Variants in ELFN1 observed in about 807,000 individuals in gnomAD.
ELFN1 encodes protein ELFN1.
A neutral mutation model predicts 7.6 loss-of-function variants in ELFN1; 6 were observed. The observed-to-expected ratio is 0.79, with a 90% confidence interval of 0.43 to 1.56. The LOEUF is 1.56. Among genes scored for constraint, ELFN1 ranks in the 40% most tolerant of loss-of-function variants. The pLI is 0.01. For missense variants in ELFN1, 1,169 were observed against 1,232.2 expected (o/e 0.95, Z 0.77); for synonymous variants, 657 against 588.1 (o/e 1.12, Z -1.70).
At chr7:1,731,691 G>A (rs1429067957) in intron 3 of ELFN1, among the ~76,000 whole-genome samples, 4 of 152,136 alleles carry the variant, frequency 2.6e-5, no homozygotes, top group South Asian at 4.2e-4. Flanking sequence ...TCGCTCTGTC[G>A]CCCAGGCTGG....
At chr7:1,716,113 C>G (rs1469957183) in intron 3 of ELFN1, among the ~76,000 whole-genome samples, 3 of 152,190 alleles carry the variant, frequency 2.0e-5, no homozygotes, top group Non-Finnish European at 4.4e-5. Flanking sequence ...AAATGAGAAG[C>G]CAGGAGCCCT....
chr7:1,672,123 C>T (rs1195014715), intron 1 of ELFN1, among the ~76,000 whole-genome samples: 2 of 152,200 alleles, frequency 1.3e-5, no homozygotes, highest in Non-Finnish European at 2.9e-5. Flanking sequence ...CGGCAGGCAG[C>T]TCCCGACTCC....
chr7:1,709,004 G>C lies in ELFN1; in HGVS notation c.-455-87G>C, dbSNP rs1367135752. On this transcript the variant is annotated intron_variant, in intron 2 of 3. Transcript: ENST00000424383. The stretch of plus-strand genomic sequence containing the variant: ...CGTGTGACTGACAGCTGGTGGCTCC[G>C]GCAGGTGGGGTCTTCCAGCAGCTGA... The C allele has an allele frequency of 3.3e-5, 5 of 152,224 alleles. No individual in the cohort carries two copies. The East Asian group carries it at 9.6e-4, about 29-fold the overall frequency. 9.4% of individuals were successfully genotyped at this position (152,224 alleles called of 1,614,324 possible). A position where few individuals can be genotyped will look rare whatever the true frequency, so the allele number is the denominator to read the frequency against.
chr7:1,669,073 C>G (rs1206962764), upstream of ELFN1, among the ~76,000 whole-genome samples: 1 of 152,244 alleles, frequency 6.6e-6, no homozygotes, highest in Non-Finnish European at 1.5e-5. Context: ...GCCCACTCTC[C>G]GATTCTGGCT....
chr7:1,701,902 A>G (rs975430093), intron 2 of ELFN1, among the ~76,000 whole-genome samples: 3 of 152,166 alleles, frequency 2.0e-5, no homozygotes, highest in Admixed American at 1.3e-4. Context: ...TTAGCTCTGT[A>G]ATCAGCCTGG....
chr7:1,710,288 G>A (rs958336360), intron 3 of ELFN1, among the ~76,000 whole-genome samples: 1 of 152,216 alleles, frequency 6.6e-6, no homozygotes, highest in Non-Finnish European at 1.5e-5. Context: ...CAGACAATCT[G>A]TCTAGAACCT....
chr7:1,673,508 G>A lies in ELFN1; in HGVS notation c.-549+3154G>A, dbSNP rs1778808449. 6.6e-6 allele frequency among the ~76,000 whole-genome samples: 1 copy of A among 151,550 alleles called. No homozygotes were observed. Among genetic ancestry groups the A allele is most frequent in the African/African-American group, 2.4e-5 (1 of 41,344 alleles). ...CCCCCCCTCCCCGCCCCCTGCCCCG[G>A]ATGTCCCTTTCCCAAGGCTGGTGGA... On this transcript the variant is annotated intron_variant, in intron 1 of 3. Transcript: ENST00000424383. The surrounding 1 kb of genome is among the most constrained non-coding windows in gnomAD (Gnocchi z 4.7).
At chr7:1,712,131 G>A (rs1232038689) in intron 3 of ELFN1, among the ~76,000 whole-genome samples, 4 of 152,208 alleles carry the variant, frequency 2.6e-5, no homozygotes, top group African/African-American at 9.6e-5. Flanking sequence ...CTTTTCGTGT[G>A]GGGGTCCCTT....
chr7:1,733,449 C>T, intron 3 of ELFN1, among the ~76,000 whole-genome samples: 1 of 152,046 alleles, frequency 6.6e-6, no homozygotes, highest in South Asian at 2.1e-4. Context: ...GGCGGTAGGA[C>T]AGTAATTGTC....
intron 1 of ELFN1, among the ~76,000 whole-genome samples, chr7:1,677,546 A>G (rs1239170408): frequency 6.6e-6 from 1 of 152,128 alleles, no homozygotes; most frequent in African/African-American, 2.4e-5. Flanking sequence ...GTGTGCATGT[A>G]GATTCGTGTC....
At chr7:1,707,975 C>T (rs752420832) in intron 2 of ELFN1, among the ~76,000 whole-genome samples, 57 of 152,310 alleles carry the variant, frequency 3.7e-4, no homozygotes, top group Admixed American at 9.8e-4. Context: ...CTCCCTCAGC[C>T]TCCAGGGGCG....
intron 2 of ELFN1, among the ~76,000 whole-genome samples, chr7:1,708,816 C>A (rs1779591438): frequency 6.6e-6 from 1 of 152,190 alleles, no homozygotes; most frequent in Non-Finnish European, 1.5e-5. Context: ...GGTCTGGCAA[C>A]TCCCTCGGTC....
Position 1,695,760 on chromosome 7 carries a change from A to AAC in ELFN1, c.-456+7611_-456+7612insCA, listed in dbSNP as rs1779290718. On this transcript the variant is annotated intron_variant, in intron 2 of 3. Transcript: ENST00000424383. This position sits in a 1 kb window ranked among gnomAD's most constrained non-coding sequence, Gnocchi z 5.1. ...GAGACTCCGTGTCAAAAAAAAAAAAAAAAAAAAAAAAACCGTGCTGGTTTG... is the reference window on the plus strand; with the variant it reads ...GAGACTCCGTGTCAAAAAAAAAAAAAACAAAAAAAAAAAACCGTGCTGGTTTG... 6.6e-6 allele frequency among the ~76,000 whole-genome samples: 1 copy of AAC among 151,464 alleles called. No homozygotes were observed. The highest frequency in any genetic ancestry group is 2.4e-5 in the African/African-American group (1 of 41,196).
At position 1,735,841 on chromosome 7, in the gene ELFN1, CTG is replaced by C. The variant is rs1780427347; in HGVS notation, c.-293-8462_-293-8461del. Among the ~76,000 whole-genome samples, 1 of 152,198 alleles carries C rather than the reference CTG, an allele frequency of 6.6e-6. No individual in the cohort carries two copies. The highest frequency in any genetic ancestry group is 2.4e-5 in the African/African-American group (1 of 41,444). ...GCATCATGCCAGGAGCCTTCAGTAA[CTG>C]GTGATGCATCCCCCACCACAACCCT... On this transcript the variant is annotated intron_variant, in intron 3 of 3. Transcript: ENST00000424383. The surrounding 1 kb of genome is among the most constrained non-coding windows in gnomAD (Gnocchi z 5.9).
chr7:1,727,631 G>A (rs1040055058), intron 3 of ELFN1, among the ~76,000 whole-genome samples: 2 of 152,112 alleles, frequency 1.3e-5, no homozygotes, highest in Non-Finnish European at 2.9e-5. Flanking sequence ...GCCTTATCCA[G>A]TAGTCTTTTT....
At chr7:1,689,409 C>T (rs1006299685) in intron 2 of ELFN1, among the ~76,000 whole-genome samples, 1 of 152,160 alleles carries the variant, frequency 6.6e-6, no homozygotes, top group Non-Finnish European at 1.5e-5. Flanking sequence ...TGAGGTGAGA[C>T]GCTGGGAGGA....
At chr7:1,722,656 T>C (rs1412489274) in intron 3 of ELFN1, among the ~76,000 whole-genome samples, 2 of 152,184 alleles carry the variant, frequency 1.3e-5, no homozygotes, top group Admixed American at 1.3e-4. Context: ...CCTCCACTAA[T>C]GGGGAGCTTA....
chr7:1,746,813 A>T lies in ELFN1; in HGVS notation c.2217A>T (p.Pro739=). 2.0e-6 allele frequency: 3 copies of T among 1,534,076 alleles called. No individual in the cohort carries two copies. Among genetic ancestry groups the T allele is most frequent in the East Asian group, 2.5e-5 (1 of 40,264 alleles). ...GLGRKASILE[P]LTRPRPRDLA... is the part of the protein sequence containing the mutation. ...GGCGCAAGGCGTCCATCCTGGAGCC[A>T]CTCACCCGGCCGCGGCCCCGCGACC... Residue 739 remains proline (P), a synonymous_variant, in exon 4 of 4, where the codon CCA becomes CCT. Transcript: ENST00000424383.
intron 3 of ELFN1, among the ~76,000 whole-genome samples, chr7:1,738,451 TGGATGGCCG>T (rs1392181997): frequency 1.3e-5 from 2 of 152,014 alleles, no homozygotes; most frequent in Non-Finnish European, 2.9e-5. Flanking sequence ...AAACATGAAG[TGGATGGCCG>T]GGTGTCGTGA....
Sources: gnomAD v4.1 joint callset for allele counts (sites outside exome capture counted in the v4.1 genomes callset) on GRCh38, gnomAD v4.1.1 for gene constraint, Gnocchi (gnomAD v3.1) non-coding constraint, MANE v1.5 for transcripts, NCBI Gene and HGNC (gene_info 2026-07-23, HGNC 2026-07-21) for gene names.